Variants in SYNPR observed in about 807,000 individuals in gnomAD.
The protein encoded by SYNPR is synaptoporin.
A neutral mutation model predicts 32.9 loss-of-function variants in SYNPR; 23 were observed. The observed-to-expected ratio is 0.70, with a 90% CI of 0.50 to 0.99. SYNPR has a LOEUF of 0.99. Among genes scored for constraint, SYNPR ranks in the 50% least tolerant of loss-of-function variants. The pLI, the probability that SYNPR is intolerant of heterozygous loss-of-function variation, is 0.00. For missense variants in SYNPR, 318 were observed against 349.3 expected (o/e 0.91, Z 0.71); for synonymous variants, 146 against 135.9 (o/e 1.07, Z -0.52).
chr3:63,317,535 G>GA (rs1367334931), intron 2 of SYNPR, among the ~76,000 whole-genome samples: 2 of 151,838 alleles, frequency 1.3e-5, no homozygotes, highest in African/African-American at 2.4e-5. Flanking sequence ...TGTTTTGTCT[G>GA]AAAAAAGAAT....
intron 1 of SYNPR, among the ~76,000 whole-genome samples, chr3:63,234,191 A>G (rs898231603): frequency 1.3e-5 from 2 of 152,316 alleles, no homozygotes; most frequent in South Asian, 2.1e-4. Context: ...ATGGCAGCAG[A>G]CAAAGAGAGA....
the SYNPR span, among the ~76,000 whole-genome samples, chr3:63,204,901 T>A: frequency 1.3e-5 from 2 of 152,116 alleles, no homozygotes; most frequent in African/African-American, 4.8e-5. Flanking sequence ...ATGGCCAGGC[T>A]GGTTTCAAAC....
intron 2 of SYNPR, among the ~76,000 whole-genome samples, chr3:63,393,018 A>C (rs1484447353): frequency 1.3e-5 from 2 of 152,174 alleles, no homozygotes; most frequent in African/African-American, 4.8e-5. Context: ...AATGGTGTGG[A>C]TGGGAGTCTC....
intron 2 of SYNPR, among the ~76,000 whole-genome samples, chr3:63,379,198 T>C (rs2087933338): frequency 6.6e-6 from 1 of 152,164 alleles, no homozygotes; most frequent in African/African-American, 2.4e-5. Context: ...TGTTGAGTTT[T>C]GTTTTATGGC....
chr3:63,434,001 C>T (rs752169837), intron 2 of SYNPR, among the ~76,000 whole-genome samples: 2 of 152,068 alleles, frequency 1.3e-5, no homozygotes, highest in Non-Finnish European at 2.9e-5. Flanking sequence ...GAGCTGAGAG[C>T]AGAGTGGGGA....
At chr3:63,288,992 AT>A (rs1453310953) in intron 2 of SYNPR, among the ~76,000 whole-genome samples, 1 of 152,220 alleles carries the variant, frequency 6.6e-6, no homozygotes, top group Non-Finnish European at 1.5e-5. Flanking sequence ...AGCAGATTGC[AT>A]AAATCAGGGT....
At chr3:63,449,582 C>T (rs906647975) in intron 2 of SYNPR, among the ~76,000 whole-genome samples, 2 of 152,150 alleles carry the variant, frequency 1.3e-5, no homozygotes, top group African/African-American at 4.8e-5. Context: ...TGGCTGAGAA[C>T]AGTACAGGAA....
chr3:63,245,041 G>GC (rs1261133295), intron 1 of SYNPR, among the ~76,000 whole-genome samples: 1 of 152,112 alleles, frequency 6.6e-6, no homozygotes, highest in Non-Finnish European at 1.5e-5. Context: ...GACGTTTTCT[G>GC]CCATGGCTAT....
intron 3 of SYNPR, among the ~76,000 whole-genome samples, chr3:63,501,494 CAAAAAAAAAAAA>C (rs377290258): frequency 1.0e-5 from 1 of 96,740 alleles, no homozygotes; most frequent in Non-Finnish European, 2.1e-5. Flanking sequence ...CTCCCCCAAC[CAAAAAAAAAAAA>C]AAAAAAAAGA....
the SYNPR span, among the ~76,000 whole-genome samples, chr3:63,203,066 G>GTATATATATATATATA: frequency 8.0e-5 from 1 of 12,460 alleles, no homozygotes; most frequent in African/African-American, 2.3e-4. Context: ...ATATATGTAT[G>GTATATATATATATATA]TGTATATATA....
At chr3:63,245,328 T>C (rs979622424) in intron 1 of SYNPR, among the ~76,000 whole-genome samples, 7 of 120,614 alleles carry the variant, frequency 5.8e-5, no homozygotes, top group African/African-American at 2.1e-4. Context: ...GAAATGTTAT[T>C]TTTATTTAAA....
At chr3:63,385,366 A>G (rs1488755262) in intron 2 of SYNPR, among the ~76,000 whole-genome samples, 2 of 152,208 alleles carry the variant, frequency 1.3e-5, no homozygotes, top group African/African-American at 4.8e-5. Flanking sequence ...TGATGTACTA[A>G]AAAACATTTA....
chr3:63,263,635 T>G (rs75557280), intron 2 of SYNPR, among the ~76,000 whole-genome samples: 12,174 of 152,136 alleles, frequency 0.08, 1,401 homozygotes, highest in African/African-American at 0.26. Context: ...ACTTCCAAAG[T>G]TGGTGAGTTG....
At chr3:63,278,646 G>A (rs750736014) in intron 1 of SYNPR, 31 bp from the exon 2 acceptor site, 2 of 1,551,140 alleles carry the variant, frequency 1.3e-6, no homozygotes, top group Non-Finnish European at 1.7e-6. Context: ...CTCACGCTTT[G>A]CTTTCTCTCT....
chr3:63,207,333 G>T, the SYNPR span, among the ~76,000 whole-genome samples: 2 of 152,248 alleles, frequency 1.3e-5, no homozygotes, highest in African/African-American at 4.8e-5. Context: ...GATTTCTCCT[G>T]TCATTTTATC....
At chr3:63,601,769 T>C (rs1700048089) in intron 4 of SYNPR, among the ~76,000 whole-genome samples, 1 of 152,204 alleles carries the variant, frequency 6.6e-6, no homozygotes, top group African/African-American at 2.4e-5. Context: ...TCTTTGCTAT[T>C]GTGAATAGTG....
At chr3:63,546,414 A>G (rs1043722218) in intron 3 of SYNPR, among the ~76,000 whole-genome samples, 22 of 151,946 alleles carry the variant, frequency 1.4e-4, no homozygotes, top group Admixed American at 1.2e-3. Context: ...TGGCATATAT[A>G]TTCTTAAAAC....
intron 2 of SYNPR, among the ~76,000 whole-genome samples, chr3:63,328,501 G>A (rs2087190223): frequency 6.6e-6 from 1 of 152,164 alleles, no homozygotes; most frequent in Non-Finnish European, 1.5e-5. Context: ...TAACATGCCT[G>A]TCTCCCTGGC....
intron 4 of SYNPR, among the ~76,000 whole-genome samples, chr3:63,557,447 C>A (rs923578567): frequency 6.6e-6 from 1 of 152,096 alleles, no homozygotes; most frequent in African/African-American, 2.4e-5. Context: ...TCCTTATTTA[C>A]CAACTCAAGT....
Sources: gnomAD v4.1 joint callset for allele counts (sites outside exome capture counted in the v4.1 genomes callset) on GRCh38, gnomAD v4.1.1 for gene constraint, MANE v1.5 for transcripts, NCBI Gene and HGNC (gene_info 2026-07-23, HGNC 2026-07-21) for gene names.